The following PRKACA variants were observed in gnomAD, a reference collection of about 807,000 sequenced individuals.
PRKACA encodes cAMP-dependent protein kinase catalytic subunit alpha.
In PRKACA, 9 loss-of-function variants were observed where a neutral mutation model predicts 45.8. The ratio of observed to expected loss-of-function variants is 0.20; its 90% CI spans 0.12 to 0.34. The LOEUF (loss-of-function observed/expected upper bound fraction) is 0.34, where lower values mean the gene tolerates loss of function less well. Among genes scored for constraint, PRKACA ranks in the 10% least tolerant of loss-of-function variants. The pLI is 1.00. For missense variants in PRKACA, 238 were observed against 458.6 expected, an observed-to-expected ratio of 0.52 and a Z score of 4.39; for synonymous variants, 160 against 178.6, an observed-to-expected ratio of 0.90 and a Z score of 0.83.
chr19:14,105,074 T>C (rs1977563020), intron 3 of PRKACA, among the ~76,000 whole-genome samples: 1 of 151,916 alleles, frequency 6.6e-6, no homozygotes, highest in African/African-American at 2.4e-5. Flanking sequence ...TTAAAGATAC[T>C]TCAGTACAGA....
intron 1 of PRKACA, chr19:14,114,277 G>T: frequency 7.1e-7 from 1 of 1,400,764 alleles, no homozygotes; most frequent in Non-Finnish European, 9.9e-7. Context: ...GGGAGCCGTG[G>T]GGTGGGAGCA....
chr19:14,115,247 G>T, intron 1 of PRKACA: 1 of 351,906 alleles, frequency 2.8e-6, no homozygotes, highest in Non-Finnish European at 4.0e-6. Context: ...AATATAACTG[G>T]CATGGCAATC....
At position 14,097,508 on chromosome 19, in the gene PRKACA, G is replaced by C. The variant is rs973655541; in HGVS notation, c.643-25C>G. On this transcript the variant is annotated intron_variant, in intron 7 of 9. Coordinates refer to ENST00000308677, the MANE Select transcript of PRKACA (RefSeq NM_002730.4). The surrounding 1 kb of genome is among the most constrained non-coding windows in gnomAD (Gnocchi z 5.4). ...CCTGGAGCAAGATGGGGGGGCACAG[G>C]GTGAGGAGGAGGCGAGAGCAGGAGA... The C allele has an allele frequency of 6.2e-7, 1 of 1,613,984 alleles. No homozygotes were observed. Among genetic ancestry groups the C allele is most frequent in the African/African-American group, 1.3e-5 (1 of 75,040 alleles).
At chr19:14,114,145 T>C (rs1967051702) in intron 1 of PRKACA, 3 of 1,611,492 alleles carry the variant, frequency 1.9e-6, no homozygotes, top group South Asian at 2.2e-5. Context: ...ATCGCTGGAG[T>C]TGGAAGCCAT....
Position 14,102,829 on chromosome 19 carries a change from T to G in PRKACA, c.323A>C (p.Glu108Ala), listed in dbSNP as rs1977484293. Residue 108 changes from glutamate (E) to alanine (A), a missense_variant, in exon 4 of 10, where the codon GAG becomes GCG. This residue lies in a region of PRKACA where 93 missense variants were observed against 149.1 expected (regional missense o/e 0.62). Transcript: ENST00000308677. ...AVNFPFLVKL[E>A]FSFKDNSNLY... ...CTGGGACCCCACCTTGAAGGAGAAC[T>G]CGAGTTTGACGAGGAACGGAAAGTT... 2 of 1,613,806 alleles carry G rather than the reference T, an allele frequency of 1.2e-6. No homozygotes were observed. Among genetic ancestry groups the G allele is most frequent in the African/African-American group, 2.7e-5 (2 of 74,876 alleles).
intron 8 of PRKACA, among the ~76,000 whole-genome samples, chr19:14,094,153 C>T (rs1453456887): frequency 1.4e-5 from 2 of 144,466 alleles, no homozygotes; most frequent in Non-Finnish European, 3.0e-5. Context: ...CGTGAGCCAC[C>T]ACACCCAGCA....
intron 8 of PRKACA, among the ~76,000 whole-genome samples, chr19:14,095,060 G>A (rs553562433): frequency 5.3e-5 from 8 of 152,360 alleles, no homozygotes; most frequent in African/African-American, 1.7e-4. Flanking sequence ...CTGACGGTGC[G>A]GGGGAACTAG....
rs1052848922 is a variant in PRKACA at position 14,097,633 on chromosome 19, A to C, written c.588T>G (p.Thr196=). 1.2e-6 allele frequency: 2 copies of C among 1,611,108 alleles called. No individual in the cohort carries two copies. The highest frequency in any genetic ancestry group is 8.5e-7 in the Non-Finnish European group (1 of 1,177,980). The part of the protein sequence containing the change: ...FGFAKRVKGR[T]WTLCGTPEYL... ...ACTCAGGGGTGCCGCACAAGGTCCA[A>C]GTGCGGCCCTTCACGCGCTTGGCGA... The change falls in exon 7 of 10, where the codon ACT becomes ACG. Residue 196 remains threonine, a synonymous_variant. Coordinates refer to ENST00000308677, the MANE Select transcript of PRKACA (RefSeq NM_002730.4). The surrounding 1 kb of genome is among the most constrained non-coding windows in gnomAD (Gnocchi z 5.4).
intron 1 of PRKACA, among the ~76,000 whole-genome samples, chr19:14,111,794 T>A (rs1966973548): frequency 6.6e-6 from 1 of 152,066 alleles, no homozygotes; most frequent in African/African-American, 2.4e-5. Flanking sequence ...CTCCAAATAA[T>A]CCACACAGAA....
At position 14,104,743 on chromosome 19, in the gene PRKACA, G is replaced by A. The variant is rs1028869684; in HGVS notation, c.238-1829C>T. On this transcript the variant is annotated intron_variant, in intron 3 of 9. Coordinates refer to ENST00000308677, the MANE Select transcript of PRKACA (RefSeq NM_002730.4). The stretch of plus-strand genomic sequence containing the variant: ...AAAAAATTAGCTGGGCGTGGTAGCC[G>A]GCGCCTGTAATTCCAGCTACTCAGG... 2.6e-5 allele frequency among the ~76,000 whole-genome samples: 4 copies of A among 151,340 alleles called. No individual in the cohort carries two copies. The South Asian group carries it at 8.4e-4, about 32-fold the overall frequency.
intron 1 of PRKACA, among the ~76,000 whole-genome samples, chr19:14,116,554 G>A (rs1967109256): frequency 6.6e-6 from 1 of 152,132 alleles, no homozygotes; most frequent in African/African-American, 2.4e-5. Context: ...AGAAGCCCCA[G>A]GGACTGGGTG....
intron 1 of PRKACA, among the ~76,000 whole-genome samples, chr19:14,116,965 G>C (rs527739003): frequency 4.6e-5 from 7 of 151,310 alleles, no homozygotes; most frequent in Non-Finnish European, 7.4e-5. Context: ...GGTTTGGAAG[G>C]GGGGGCTGTG....
chr19:14,112,130 T>G (rs1222803036), intron 1 of PRKACA: 1 of 152,114 alleles, frequency 6.6e-6, no homozygotes, highest in Non-Finnish European at 1.5e-5. Context: ...TTGTCAGATT[T>G]GGGGATGGGG....
rs930563372 is a variant in PRKACA at position 14,092,420 on chromosome 19, C to A, written c.*692G>T. The A allele has an allele frequency of 6.0e-5, 23 of 384,524 alleles. No individual in the cohort carries two copies. The highest frequency in any genetic ancestry group is 1.1e-4 in the East Asian group (3 of 27,082). The allele number at this position is 384,524 out of a possible 1,614,324, so 23.8% of individuals were successfully genotyped here. ...GGAGGGGCCCAGGGGAGATTAGCAGCGGGGAGGTTCAAACCCCAGCGCCTC... is the reference window on the plus strand; with the variant it reads ...GGAGGGGCCCAGGGGAGATTAGCAGAGGGGAGGTTCAAACCCCAGCGCCTC... On this transcript the variant is annotated 3_prime_UTR_variant, in exon 10 of 10. Coordinates refer to ENST00000308677, the MANE Select transcript of PRKACA (RefSeq NM_002730.4).
At chr19:14,104,724 T>G (rs1216611586) in intron 3 of PRKACA, among the ~76,000 whole-genome samples, 1 of 141,520 alleles carries the variant, frequency 7.1e-6, no homozygotes, top group African/African-American at 2.7e-5. Context: ...AATTAAAAAA[T>G]TAGCTGGGCG....
chr19:14,113,514 T>G (rs987356736), intron 1 of PRKACA, among the ~76,000 whole-genome samples: 5 of 151,938 alleles, frequency 3.3e-5, no homozygotes, highest in African/African-American at 1.2e-4. Context: ...ATCTAGAAAC[T>G]CGCCCTGGGA....
chr19:14,093,592 C>T (rs1426243551), intron 9 of PRKACA, 36 bp downstream of exon 9: 2 of 1,598,916 alleles, frequency 1.3e-6, no homozygotes, highest in South Asian at 1.1e-5. Flanking sequence ...TGGCCTGCTC[C>T]CAAACCCTCA....
intron 5 of PRKACA, 38 bp downstream of exon 5, chr19:14,100,788 C>A (rs1158553186): frequency 1.1e-5 from 18 of 1,602,750 alleles, no homozygotes; most frequent in East Asian, 2.2e-5. Flanking sequence ...CCTGTGGACA[C>A]CCTGACAGCC....
chr19:14,104,058 C>A (rs1977525944), intron 3 of PRKACA, among the ~76,000 whole-genome samples: 1 of 152,118 alleles, frequency 6.6e-6, no homozygotes, highest in Non-Finnish European at 1.5e-5. Flanking sequence ...AACAACCAGG[C>A]CGGGTACGGT....
Sources: allele counts gnomAD v4.1 joint callset (sites outside exome capture counted in the v4.1 genomes callset), GRCh38; gene constraint gnomAD v4.1.1; regional missense constraint gnomAD v4.1.1; non-coding constraint Gnocchi (gnomAD v3.1); transcripts MANE v1.5; gene names NCBI Gene and HGNC (gene_info 2026-07-23, HGNC 2026-07-21).